Variants in CAMK1D observed in about 807,000 individuals in gnomAD.
The protein encoded by CAMK1D is calcium/calmodulin dependent protein kinase ID.
In CAMK1D, 9 loss-of-function variants were observed where a neutral mutation model predicts 47.7. The ratio of observed to expected loss-of-function variants is 0.19; its 90% CI spans 0.11 to 0.33. The LOEUF (loss-of-function observed/expected upper bound fraction) is 0.33. Among genes scored for constraint, CAMK1D ranks in the 10% least tolerant of loss-of-function variants. CAMK1D has a pLI of 1.00. For synonymous variants in CAMK1D, 184 were observed against 184.9 expected (o/e 0.99, Z 0.04); for missense variants, 291 against 488.7 (o/e 0.60, Z 3.81).
intron 2 of CAMK1D, among the ~76,000 whole-genome samples, chr10:12,574,037 T>C (rs142263015): frequency 6.6e-6 from 1 of 152,184 alleles, no homozygotes; most frequent in Non-Finnish European, 1.5e-5. Context: ...TCCTCACTTA[T>C]CCACTCATTC....
intron 2 of CAMK1D, among the ~76,000 whole-genome samples, chr10:12,558,431 A>G (rs987618586): frequency 2.0e-5 from 3 of 152,076 alleles, no homozygotes; most frequent in East Asian, 1.9e-4. Flanking sequence ...GCGCATACCT[A>G]TAATCACAGC....
intron 3 of CAMK1D, among the ~76,000 whole-genome samples, chr10:12,668,258 C>T (rs1840495145): frequency 6.6e-6 from 1 of 152,176 alleles, no homozygotes; most frequent in African/African-American, 2.4e-5. Flanking sequence ...AATATTATTG[C>T]CTAATTGGAA....
At chr10:12,660,645 TATTGGAG>T (rs753029131) in intron 2 of CAMK1D, among the ~76,000 whole-genome samples, 2 of 152,206 alleles carry the variant, frequency 1.3e-5, no homozygotes, top group Non-Finnish European at 2.9e-5. Flanking sequence ...TTCTGTGCAT[TATTGGAG>T]ATTATGGAGG....
At chr10:12,748,897 GAC>G (rs1835801260) in intron 3 of CAMK1D, among the ~76,000 whole-genome samples, 1 of 152,184 alleles carries the variant, frequency 6.6e-6, no homozygotes, top group Non-Finnish European at 1.5e-5. Flanking sequence ...CAGCCTGAGT[GAC>G]AGAGTGCTTT....
intron 6 of CAMK1D, among the ~76,000 whole-genome samples, chr10:12,801,354 T>TATCTTATCTATCTATCTATCTATC (rs57429397): frequency 3.0e-3 from 202 of 66,440 alleles, no homozygotes; most frequent in East Asian, 4.0e-3. Context: ...TCTATCTATC[T>TATCTTATCTATCTATCTATCTATC]TATCTATCTA....
intron 3 of CAMK1D, among the ~76,000 whole-genome samples, chr10:12,702,352 C>T (rs953884125): frequency 3.9e-5 from 6 of 152,224 alleles, no homozygotes; most frequent in Non-Finnish European, 5.9e-5. Flanking sequence ...AAATATGCCA[C>T]ACCTCAGAGG....
rs1316877489 is a variant in CAMK1D at position 12,657,583 on chromosome 10, T to C, written c.225-9153T>C. On this transcript the variant is annotated intron_variant, in intron 2 of 10. Transcript: ENST00000619168. ...GTCTACACTAAATTAACTTTCTCCT[T>C]TGCAGCTAGAATGGTGCTGTCTTGG... Among the ~76,000 whole-genome samples the C allele has an allele frequency of 2.0e-5, 3 of 152,336 alleles. No homozygotes were observed. The East Asian group carries it at 5.8e-4, about 29-fold the overall frequency.
intron 3 of CAMK1D, among the ~76,000 whole-genome samples, chr10:12,705,416 G>C (rs926993731): frequency 1.3e-5 from 2 of 151,994 alleles, no homozygotes; most frequent in Admixed American, 1.3e-4. Context: ...AGCCGAGGTT[G>C]TACCACTGCA....
chr10:12,363,003 C>A (rs1837723560), intron 1 of CAMK1D, among the ~76,000 whole-genome samples: 1 of 141,820 alleles, frequency 7.1e-6, no homozygotes, highest in Non-Finnish European at 1.5e-5. Flanking sequence ...TGCAGTGGTG[C>A]GATCTTGGCT....
At chr10:12,750,116 A>G (rs997625192) in intron 3 of CAMK1D, among the ~76,000 whole-genome samples, 5 of 152,204 alleles carry the variant, frequency 3.3e-5, no homozygotes, top group Admixed American at 6.5e-5. Context: ...ATAACAAGGG[A>G]AGGCTTTAAA....
At chr10:12,814,164 G>C (rs774251388) in intron 6 of CAMK1D, 31 bp from the exon 7 acceptor site, 1 of 1,388,878 alleles carries the variant, frequency 7.2e-7, no homozygotes, top group Non-Finnish European at 1.0e-6. Context: ...TTATGCAGAT[G>C]TTCCAGCTTT....
chr10:12,733,624 T>G (rs1438465000), intron 3 of CAMK1D, among the ~76,000 whole-genome samples: 2 of 152,198 alleles, frequency 1.3e-5, no homozygotes, highest in Non-Finnish European at 2.9e-5. Context: ...CAGGTAGTGT[T>G]CTAGAAACAT....
chr10:12,437,807 T>C (rs925375225), intron 1 of CAMK1D, among the ~76,000 whole-genome samples: 3 of 152,210 alleles, frequency 2.0e-5, no homozygotes, highest in Non-Finnish European at 2.9e-5. Flanking sequence ...ATTCTCCCTC[T>C]TCTGCATATT....
chr10:12,809,116 CAA>C (rs35817271), intron 6 of CAMK1D, among the ~76,000 whole-genome samples: 1 of 145,596 alleles, frequency 6.9e-6, no homozygotes. Context: ...AACTCTGTCT[CAA>C]AAAAAAAAAA....
chr10:12,460,103 G>A (rs557167194), intron 1 of CAMK1D, among the ~76,000 whole-genome samples: 115 of 152,110 alleles, frequency 7.6e-4, no homozygotes, highest in Non-Finnish European at 1.5e-3. Flanking sequence ...TGAAAAAAAT[G>A]CAAAGTCATA....
chr10:12,732,853 C>A lies in CAMK1D; in HGVS notation c.300-28095C>A, dbSNP rs138301326. Among the ~76,000 whole-genome samples, 134 of 152,174 alleles carry A rather than the reference C, an allele frequency of 8.8e-4. No individual in the cohort carries two copies. The Middle Eastern group carries it at 0.014, about 15-fold the overall frequency. ...CATGATTACAGTGCAGGCGATGGAG[C>A]CAACAGGGCCCTCATTTGAGATCTT... is the stretch of plus-strand genomic sequence containing the variant. On this transcript the variant is annotated intron_variant, in intron 3 of 10. Coordinates refer to ENST00000619168, the MANE Select transcript of CAMK1D (RefSeq NM_153498.4).
rs553065864 is a variant in CAMK1D at position 12,715,011 on chromosome 10, A to G, written c.300-45937A>G. ...TGGAATATACAGTGCAGTATTGTTAACCAAAGTCCCCCTACTCTGCTATGG... is the reference window on the plus strand; with the variant it reads ...TGGAATATACAGTGCAGTATTGTTAGCCAAAGTCCCCCTACTCTGCTATGG... On this transcript the variant is annotated intron_variant, in intron 3 of 10. Transcript: ENST00000619168. Among the ~76,000 whole-genome samples, 151 of 152,160 alleles carry G rather than the reference A, an allele frequency of 9.9e-4. 1 individual carries two copies. The highest frequency in any genetic ancestry group is 3.4e-3 in the African/African-American group (142 of 41,506).
chr10:12,771,428 CA>C (rs965872588), intron 5 of CAMK1D, among the ~76,000 whole-genome samples: 2 of 152,240 alleles, frequency 1.3e-5, no homozygotes, highest in Non-Finnish European at 2.9e-5. Flanking sequence ...TGGGAAACTC[CA>C]GATGACCTTG....
chr10:12,484,480 G>C (rs1230222262), intron 1 of CAMK1D, among the ~76,000 whole-genome samples: 1 of 152,192 alleles, frequency 6.6e-6, no homozygotes, highest in African/African-American at 2.4e-5. Flanking sequence ...ATCGGAGATG[G>C]AGAGCTGTCA....
Sources: allele counts gnomAD v4.1 joint callset (sites outside exome capture counted in the v4.1 genomes callset), GRCh38; gene constraint gnomAD v4.1.1; transcripts MANE v1.5; gene names NCBI Gene and HGNC (gene_info 2026-07-23, HGNC 2026-07-21).